The following PPM1L variants were observed in gnomAD, a reference collection of about 807,000 sequenced individuals.
PPM1L encodes protein phosphatase 1L.
PPM1L carries 13 observed loss-of-function variants against 31.4 expected under a neutral mutation model. That is an observed-to-expected ratio of 0.41 (90% CI 0.27 to 0.66). The LOEUF (loss-of-function observed/expected upper bound fraction) is 0.66, where lower values mean the gene tolerates loss of function less well. PPM1L is among the 30% of genes least tolerant of loss of function. The pLI, the probability that PPM1L is intolerant of heterozygous loss-of-function variation, is 0.29. For synonymous variants in PPM1L, 184 were observed against 175.4 expected (o/e 1.05, Z -0.39); for missense variants, 326 against 453.7 (o/e 0.72, Z 2.56).
chr3:161,062,691 T>C (rs1719609346), intron 2 of PPM1L, among the ~76,000 whole-genome samples: 1 of 152,232 alleles, frequency 6.6e-6, no homozygotes, highest in South Asian at 2.1e-4. Context: ...TTCTCCCTTT[T>C]TTAAAAAGAA....
intron 2 of PPM1L, among the ~76,000 whole-genome samples, chr3:160,984,571 G>C (rs1200423187): frequency 6.6e-6 from 1 of 152,158 alleles, no homozygotes; most frequent in Non-Finnish European, 1.5e-5. Context: ...ACAGGTATAG[G>C]AAATCACAAG....
rs570911613 is a variant in PPM1L, at chr3:160,848,912, C to G, written c.399+92205C>G. ...GATCCTTCTTCTTTACTTTCCCCTT[C>G]AAATTAACCATGAAAACCTCTCATT... On this transcript the variant is annotated intron_variant, in intron 1 of 3. Transcript: ENST00000498165. Among the ~76,000 whole-genome samples, 4 of 152,266 alleles carry G rather than the reference C, an allele frequency of 2.6e-5. No individual in the cohort carries two copies. In the East Asian group the frequency reaches 7.7e-4, roughly 29 times the overall value.
intron 2 of PPM1L, among the ~76,000 whole-genome samples, chr3:160,977,437 A>C (rs750829933): frequency 5.9e-5 from 9 of 152,234 alleles, no homozygotes; most frequent in African/African-American, 9.6e-5. Context: ...ATGAGTTAGA[A>C]GTCTGCTTCC....
rs71628437 is a variant in PPM1L, at chr3:160,970,787, A to ATTTTTTTTTTTTTTTTTTTTTTTT, written c.574+8899_574+8900insTTTTTTTTTTTTTTTTTTTTTTTT. Among the ~76,000 whole-genome samples, 3 of 97,198 alleles carry ATTTTTTTTTTTTTTTTTTTTTTTT rather than the reference A, an allele frequency of 3.1e-5. 1 individual carries two copies. The highest frequency in any genetic ancestry group is 1.3e-4 in the African/African-American group (3 of 22,352). 63.8% of individuals were successfully genotyped at this position (97,198 alleles called of 152,430 possible). On this transcript the variant is annotated intron_variant, in intron 2 of 3. Coordinates refer to ENST00000498165, the MANE Select transcript of PPM1L (RefSeq NM_139245.4). ...CAAGCTGATTTTAATTTCAGTTATA[A>ATTTTTTTTTTTTTTTTTTTTTTTT]TTTTTTTTTTTTTTTTTTTTTTGAG... is the stretch of plus-strand genomic sequence containing the variant.
intron 2 of PPM1L, among the ~76,000 whole-genome samples, chr3:161,014,996 G>A (rs1291483032): frequency 6.6e-6 from 1 of 151,812 alleles, no homozygotes; most frequent in Non-Finnish European, 1.5e-5. Context: ...AAGAATCTTT[G>A]CTATTAAATG....
chr3:160,845,386 G>T (rs2108108437), intron 1 of PPM1L, among the ~76,000 whole-genome samples: 1 of 152,016 alleles, frequency 6.6e-6, no homozygotes, highest in East Asian at 1.9e-4. Flanking sequence ...AGATATTCTG[G>T]ATATAAGTCG....
intron 1 of PPM1L, among the ~76,000 whole-genome samples, chr3:160,914,352 A>G (rs543256456): frequency 1.3e-5 from 2 of 152,086 alleles, no homozygotes; most frequent in East Asian, 3.9e-4. Context: ...GGTTAGTTAC[A>G]TATGTATACA....
chr3:160,913,937 T>G (rs1482106732), intron 1 of PPM1L, among the ~76,000 whole-genome samples: 4 of 152,210 alleles, frequency 2.6e-5, no homozygotes, highest in African/African-American at 9.6e-5. Context: ...TCATTTTTCT[T>G]GGGTGAATAG....
chr3:160,888,225 G>A (rs1162613416), intron 1 of PPM1L, among the ~76,000 whole-genome samples: 2 of 152,122 alleles, frequency 1.3e-5, no homozygotes, highest in South Asian at 2.1e-4. Context: ...ACAATTAAAA[G>A]ACACAGACTG....
chr3:160,948,159 TG>T (rs748879744), intron 1 of PPM1L, among the ~76,000 whole-genome samples: 2 of 152,178 alleles, frequency 1.3e-5, no homozygotes, highest in African/African-American at 2.4e-5. Flanking sequence ...TATTTTCTTA[TG>T]GAGTTGAAGT....
chr3:161,044,816 C>T (rs1719008759), intron 2 of PPM1L, among the ~76,000 whole-genome samples: 1 of 152,126 alleles, frequency 6.6e-6, no homozygotes, highest in Non-Finnish European at 1.5e-5. Flanking sequence ...AATTAAAAGA[C>T]ACAGACTGCC....
intron 1 of PPM1L, among the ~76,000 whole-genome samples, chr3:160,833,893 T>TTTTATAGTTTTGGGA (rs1713610071): frequency 6.6e-6 from 1 of 152,152 alleles, no homozygotes; most frequent in African/African-American, 2.4e-5. Context: ...CTTCTAGGGT[T>TTTTATAGTTTTGGGA]TTTATAGTTT....
intron 2 of PPM1L, among the ~76,000 whole-genome samples, chr3:160,970,651 G>C (rs1226108519): frequency 2.6e-5 from 4 of 151,866 alleles, no homozygotes; most frequent in Admixed American, 1.3e-4. Flanking sequence ...TAGAGATGGG[G>C]TTTCACCATG....
chr3:161,020,321 T>G (rs978131562), intron 2 of PPM1L, among the ~76,000 whole-genome samples: 1 of 152,116 alleles, frequency 6.6e-6, no homozygotes, highest in African/African-American at 2.4e-5. Context: ...CCTTTAAACT[T>G]ATAAGTAATT....
chr3:160,946,775 ATTCTTAAAAG>A (rs1415342168), intron 1 of PPM1L, among the ~76,000 whole-genome samples: 9 of 152,148 alleles, frequency 5.9e-5, no homozygotes, highest in Non-Finnish European at 1.2e-4. Flanking sequence ...TTTCCATGCA[ATTCTTAAAAG>A]TTCATTTTAA....
chr3:160,864,509 A>G (rs562750514), intron 1 of PPM1L, among the ~76,000 whole-genome samples: 46 of 152,304 alleles, frequency 3.0e-4, no homozygotes, highest in Admixed American at 9.8e-4. Context: ...ATCTGCTTCT[A>G]TCCTAGAAGG....
intron 1 of PPM1L, among the ~76,000 whole-genome samples, chr3:160,825,318 TG>T (rs1459559268): frequency 6.6e-6 from 1 of 152,140 alleles, no homozygotes; most frequent in African/African-American, 2.4e-5. Context: ...ATTAACAAAT[TG>T]ATCATGATGA....
At chr3:160,789,723 T>TC (rs1340245773) in intron 1 of PPM1L, among the ~76,000 whole-genome samples, 1 of 152,058 alleles carries the variant, frequency 6.6e-6, no homozygotes, top group Non-Finnish European at 1.5e-5. Context: ...AGTTTTTTTT[T>TC]CTCCTTGGAC....
chr3:160,766,717 A>C (rs1015295818), intron 1 of PPM1L, among the ~76,000 whole-genome samples: 1 of 150,818 alleles, frequency 6.6e-6, no homozygotes, highest in Non-Finnish European at 1.5e-5. Context: ...AGAAGCTACA[A>C]GTCTTGATCA....
Sources: allele counts gnomAD v4.1 joint callset (sites outside exome capture counted in the v4.1 genomes callset), GRCh38; gene constraint gnomAD v4.1.1; transcripts MANE v1.5; gene names NCBI Gene and HGNC (gene_info 2026-07-23, HGNC 2026-07-21).